The following CADPS2 variants were observed in gnomAD, a reference collection of about 807,000 sequenced individuals.
CADPS2 encodes calcium-dependent secretion activator 2.
Under a neutral mutation model 172.5 loss-of-function variants are expected in CADPS2, and 93 were observed. That is an observed-to-expected ratio of 0.54 (90% CI 0.46 to 0.64). The LOEUF is 0.64. Ranked by LOEUF, CADPS2 falls within the 30% of genes least tolerant of loss-of-function variation. The probability of loss-of-function intolerance (pLI) is 0.00; values close to 1 mark genes in which losing one functional copy is unlikely to be tolerated. For synonymous variants in CADPS2, 546 were observed against 555.2 expected (o/e 0.98, Z 0.23); for missense variants, 1,420 against 1,565.9 (o/e 0.91, Z 1.57).
intron 2 of CADPS2, among the ~76,000 whole-genome samples, chr7:122,731,662 A>G (rs537038295): frequency 6.9e-6 from 1 of 145,538 alleles, no homozygotes; most frequent in Admixed American, 7.0e-5. Context: ...GAAAAAAAAA[A>G]GGTGAAGAGG....
At chr7:122,781,902 TTCTG>T (rs530492624) in intron 1 of CADPS2, among the ~76,000 whole-genome samples, 94 of 152,310 alleles carry the variant, frequency 6.2e-4, no homozygotes, top group East Asian at 5.0e-3. Context: ...AAGGCTTTAA[TTCTG>T]TCTATTTATT....
At chr7:122,831,261 G>C (rs1485837171) in intron 1 of CADPS2, among the ~76,000 whole-genome samples, 5 of 152,164 alleles carry the variant, frequency 3.3e-5, no homozygotes, top group Admixed American at 3.3e-4. Flanking sequence ...TAAGCAACTA[G>C]TCCTATAATA....
At chr7:122,734,297 C>T (rs1054531173) in intron 2 of CADPS2, among the ~76,000 whole-genome samples, 2 of 131,426 alleles carry the variant, frequency 1.5e-5, no homozygotes, top group African/African-American at 5.6e-5. Flanking sequence ...GCCCACAGTA[C>T]CTGACATAGG....
At chr7:122,781,870 C>A (rs1372087967) in intron 1 of CADPS2, among the ~76,000 whole-genome samples, 1 of 152,122 alleles carries the variant, frequency 6.6e-6, no homozygotes, top group Non-Finnish European at 1.5e-5. Context: ...TCAAAAATAA[C>A]CACGGTGAAA....
intron 1 of CADPS2, among the ~76,000 whole-genome samples, chr7:122,805,527 T>C (rs1420995858): frequency 6.6e-6 from 1 of 152,212 alleles, no homozygotes; most frequent in African/African-American, 2.4e-5. Flanking sequence ...AAGGTTCTAG[T>C]AATTTTAACA....
At chr7:122,690,218 T>C (rs1487882429) in intron 2 of CADPS2, among the ~76,000 whole-genome samples, 3 of 152,082 alleles carry the variant, frequency 2.0e-5, no homozygotes, top group African/African-American at 7.2e-5. Context: ...AAAATTCAAG[T>C]CAATTTTTCA....
At chr7:122,424,975 T>C (rs914018980) in intron 17 of CADPS2, among the ~76,000 whole-genome samples, 2 of 150,270 alleles carry the variant, frequency 1.3e-5, no homozygotes, top group Non-Finnish European at 2.9e-5. Context: ...GTGTAATAGC[T>C]TTTTTTAAAA....
At chr7:122,439,064 T>C (rs1026581571) in intron 16 of CADPS2, among the ~76,000 whole-genome samples, 5 of 152,134 alleles carry the variant, frequency 3.3e-5, no homozygotes, top group Non-Finnish European at 5.9e-5. Flanking sequence ...TTATGAAGTA[T>C]CGAATGTTAA....
rs567583470 is a variant in CADPS2 at position 122,835,029 on chromosome 7, C to T, written c.339+50970G>A. ...GCCCGAGTAGCCTAATGGGGAGGCA[C>T]CCCCCAGGAGGGACAGACAGACACC... On this transcript the variant is annotated intron_variant, in intron 1 of 29. Transcript: ENST00000449022. 1.5e-4 allele frequency among the ~76,000 whole-genome samples: 23 copies of T among 152,254 alleles called. No homozygotes were observed. In the South Asian group the frequency reaches 3.9e-3, roughly 26 times the overall value.
chr7:122,350,206 A>G (rs1366325628), intron 27 of CADPS2, among the ~76,000 whole-genome samples: 1 of 152,180 alleles, frequency 6.6e-6, no homozygotes, highest in Non-Finnish European at 1.5e-5. Flanking sequence ...AGGATCATGT[A>G]AGATATAAGA....
intron 4 of CADPS2, among the ~76,000 whole-genome samples, chr7:122,624,435 A>G (rs1408348073): frequency 6.6e-6 from 1 of 152,154 alleles, no homozygotes; most frequent in Non-Finnish European, 1.5e-5. Flanking sequence ...CTTCCATTAG[A>G]TGACATCTGG....
chr7:122,608,890 A>C (rs2133718010), intron 6 of CADPS2, among the ~76,000 whole-genome samples: 1 of 152,184 alleles, frequency 6.6e-6, no homozygotes, highest in Non-Finnish European at 1.5e-5. Flanking sequence ...AAATTTGTTA[A>C]GAGGTTAGAT....
At chr7:122,753,788 C>T (rs2093046876) in intron 1 of CADPS2, among the ~76,000 whole-genome samples, 1 of 152,108 alleles carries the variant, frequency 6.6e-6, no homozygotes, top group Non-Finnish European at 1.5e-5. Context: ...CTTGCATGCT[C>T]TTGGGGACAT....
At chr7:122,638,276 G>T (rs770231694) in intron 3 of CADPS2, among the ~76,000 whole-genome samples, 1 of 152,124 alleles carries the variant, frequency 6.6e-6, no homozygotes, top group East Asian at 1.9e-4. Flanking sequence ...CATCCTGAGA[G>T]CCCAGGGATC....
Position 122,886,399 on chromosome 7 carries a change from C to T in CADPS2, c.-62G>A. The stretch of plus-strand genomic sequence containing the variant: ...CCAAGCGCCTCACCCCCGGCGGCTG[C>T]GCCCGCGGGTCTGAGGGAGCCGCGG... On this transcript the variant is annotated 5_prime_UTR_variant, in exon 1 of 30. Transcript: ENST00000449022. The T allele has an allele frequency of 1.4e-6, 2 of 1,455,608 alleles. No individual in the cohort carries two copies. The highest frequency in any genetic ancestry group is 2.9e-5 in the Admixed American group (1 of 34,564). 90.2% of individuals were successfully genotyped at this position (1,455,608 alleles called of 1,614,324 possible).
intron 17 of CADPS2, among the ~76,000 whole-genome samples, chr7:122,428,790 A>T (rs1176106280): frequency 6.6e-6 from 1 of 152,130 alleles, no homozygotes; most frequent in African/African-American, 2.4e-5. Flanking sequence ...TTTAAATAGT[A>T]TGTGTGACAA....
chr7:122,790,936 A>C (rs1026600530), intron 1 of CADPS2, among the ~76,000 whole-genome samples: 1 of 152,212 alleles, frequency 6.6e-6, no homozygotes, highest in Non-Finnish European at 1.5e-5. Flanking sequence ...GATCAGGTAC[A>C]TAAAGAAATG....
At chr7:122,717,012 T>A (rs1430630717) in intron 2 of CADPS2, among the ~76,000 whole-genome samples, 1 of 152,148 alleles carries the variant, frequency 6.6e-6, no homozygotes, top group East Asian at 1.9e-4. Flanking sequence ...ATTTTCAATA[T>A]CCCAACAAAA....
rs544098644 is a variant in CADPS2 at position 122,335,123 on chromosome 7, T to G, written c.3613-9542A>C. Among the ~76,000 whole-genome samples the G allele has an allele frequency of 3.3e-5, 5 of 152,344 alleles. 1 individual carries two copies. Among genetic ancestry groups the G allele is most frequent in the Admixed American group, 3.3e-4 (5 of 15,298 alleles). ...ATTTCCCACCATTTTTTACACATAG[T>G]AATTGAATGAGTTTGTTTTCTAGAT... On this transcript the variant is annotated intron_variant, in intron 28 of 29. Coordinates refer to ENST00000449022, the MANE Select transcript of CADPS2 (RefSeq NM_017954.11).
Sources: allele counts gnomAD v4.1 joint callset (sites outside exome capture counted in the v4.1 genomes callset), GRCh38; gene constraint gnomAD v4.1.1; transcripts MANE v1.5; gene names NCBI Gene and HGNC (gene_info 2026-07-23, HGNC 2026-07-21).